The following KCND2 variants were observed in gnomAD, a reference collection of about 807,000 sequenced individuals.
KCND2 encodes the protein potassium voltage-gated channel subfamily D member 2.
In KCND2, 16 loss-of-function variants were observed where a neutral mutation model predicts 54.4. The observed-to-expected ratio is 0.29, with a 90% CI of 0.20 to 0.45. The LOEUF (loss-of-function observed/expected upper bound fraction) is 0.45, where lower values mean the gene tolerates loss of function less well. Ranked by LOEUF, KCND2 falls within the 20% of genes least tolerant of loss-of-function variation. The pLI is 1.00. For synonymous variants in KCND2, 317 were observed against 310.7 expected, an observed-to-expected ratio of 1.02 and a Z score of -0.21; for missense variants, 486 against 824.2, an observed-to-expected ratio of 0.59 and a Z score of 5.02.
chr7:120,329,905 G>C (rs765960590), intron 1 of KCND2, among the ~76,000 whole-genome samples: 5 of 152,064 alleles, frequency 3.3e-5, no homozygotes, highest in South Asian at 2.1e-4. Context: ...GACTCATGTT[G>C]TTTAATTATT....
chr7:120,588,429 G>GTGTGTGTT (rs1792628147), intron 1 of KCND2, among the ~76,000 whole-genome samples: 1 of 151,810 alleles, frequency 6.6e-6, no homozygotes, highest in East Asian at 1.9e-4. Flanking sequence ...GTGTGTGTGT[G>GTGTGTGTT]TGTGTGTGTG....
At chr7:120,416,141 A>G (rs1339682376) in intron 1 of KCND2, among the ~76,000 whole-genome samples, 1 of 152,192 alleles carries the variant, frequency 6.6e-6, no homozygotes, top group Non-Finnish European at 1.5e-5. Flanking sequence ...ATCTTCTCTT[A>G]GAGCTCTTTT....
chr7:120,294,784 T>A (rs1318268180), intron 1 of KCND2, among the ~76,000 whole-genome samples: 2 of 151,904 alleles, frequency 1.3e-5, no homozygotes, highest in African/African-American at 4.8e-5. Context: ...ACCTTGTTTA[T>A]GTTTCATCTA....
intron 1 of KCND2, among the ~76,000 whole-genome samples, chr7:120,429,868 A>G (rs1801765516): frequency 6.6e-6 from 1 of 152,210 alleles, no homozygotes; most frequent in Non-Finnish European, 1.5e-5. Flanking sequence ...AAAAAAATAT[A>G]TTATTTTGAT....
chr7:120,627,018 G>C (rs1793172359), intron 1 of KCND2, among the ~76,000 whole-genome samples: 1 of 152,274 alleles, frequency 6.6e-6, no homozygotes, highest in Admixed American at 6.5e-5. Flanking sequence ...AGTTGGTTAA[G>C]ATCCAGTCCC....
At chr7:120,505,920 T>C (rs1202840789) in intron 1 of KCND2, among the ~76,000 whole-genome samples, 1 of 151,870 alleles carries the variant, frequency 6.6e-6, no homozygotes, top group African/African-American at 2.4e-5. Context: ...GACATTCAAA[T>C]ATATTTTATT....
chr7:120,489,968 G>A (rs1802754004), intron 1 of KCND2, among the ~76,000 whole-genome samples: 1 of 152,046 alleles, frequency 6.6e-6, no homozygotes, highest in African/African-American at 2.4e-5. Flanking sequence ...AGAAAATGGA[G>A]AATGGGGCAA....
intron 1 of KCND2, among the ~76,000 whole-genome samples, chr7:120,324,088 A>G (rs1690980506): frequency 6.6e-6 from 1 of 151,106 alleles, no homozygotes; most frequent in Admixed American, 6.6e-5. Flanking sequence ...TTGGGTGCAT[A>G]AATGTCTTCT....
At chr7:120,381,790 A>G (rs897183131) in intron 1 of KCND2, among the ~76,000 whole-genome samples, 1 of 152,084 alleles carries the variant, frequency 6.6e-6, no homozygotes, top group African/African-American at 2.4e-5. Flanking sequence ...TTGATTGAAT[A>G]TTTCTAGTAA....
At chr7:120,409,039 G>C (rs1156623421) in intron 1 of KCND2, among the ~76,000 whole-genome samples, 1 of 151,950 alleles carries the variant, frequency 6.6e-6, no homozygotes, top group Non-Finnish European at 1.5e-5. Context: ...TGCACATGCT[G>C]CTCTTTCTAT....
intron 1 of KCND2, among the ~76,000 whole-genome samples, chr7:120,535,872 T>C (rs1791900276): frequency 6.6e-6 from 1 of 152,096 alleles, no homozygotes. Context: ...TAGTCCATAA[T>C]GCTAGATTGT....
At chr7:120,464,344 T>C (rs1802335849) in intron 1 of KCND2, among the ~76,000 whole-genome samples, 1 of 152,164 alleles carries the variant, frequency 6.6e-6, no homozygotes, top group Non-Finnish European at 1.5e-5. Flanking sequence ...ATGTGAATAA[T>C]ACACAATATC....
At chr7:120,653,843 G>A (rs773106055) in intron 1 of KCND2, among the ~76,000 whole-genome samples, 3 of 152,166 alleles carry the variant, frequency 2.0e-5, no homozygotes, top group African/African-American at 7.2e-5. Flanking sequence ...ACAAAACACA[G>A]TGAGAAGAAA....
chr7:120,388,880 A>T (rs970736278), intron 1 of KCND2, among the ~76,000 whole-genome samples: 44 of 97,210 alleles, frequency 4.5e-4, no homozygotes, highest in Admixed American at 8.1e-4. Flanking sequence ...TATATCATTT[A>T]TATATACATG....
Position 120,275,343 on chromosome 7 carries a change from C to T in KCND2, c.711C>T (p.Val237=). ...TCTTCTGCTTGGACACGGCCTGCGT[C>T]ATGATCTTCACAGTTGAGTATTTGC... is the stretch of plus-strand genomic sequence containing the variant. The part of the protein sequence containing the change: ...VAFFCLDTAC[V]MIFTVEYLLR... Residue 237 remains valine, a synonymous_variant, in exon 1 of 6, where the codon GTC becomes GTT. Transcript: ENST00000331113. The T allele has an allele frequency of 1.9e-6, 3 of 1,613,836 alleles. No homozygotes were observed. Among genetic ancestry groups the T allele is most frequent in the Non-Finnish European group, 2.5e-6 (3 of 1,179,990 alleles).
chr7:120,553,823 T>G (rs1416112615), intron 1 of KCND2, among the ~76,000 whole-genome samples: 1 of 152,170 alleles, frequency 6.6e-6, no homozygotes, highest in African/African-American at 2.4e-5. Flanking sequence ...TCTAGCAGGT[T>G]TTTACACCCA....
chr7:120,435,250 G>T (rs912780283), intron 1 of KCND2, among the ~76,000 whole-genome samples: 1 of 150,768 alleles, frequency 6.6e-6, no homozygotes, highest in South Asian at 2.1e-4. Flanking sequence ...GGGATTGTAG[G>T]CGTGCACCAC....
chr7:120,598,621 T>C (rs886896089), intron 1 of KCND2, among the ~76,000 whole-genome samples: 10 of 152,154 alleles, frequency 6.6e-5, no homozygotes, highest in African/African-American at 2.4e-4. Flanking sequence ...TTTTACACTT[T>C]AGACAAGTAG....
At chr7:120,351,264 A>ATATATATATATATATATATATC (rs1478998313) in intron 1 of KCND2, among the ~76,000 whole-genome samples, 9 of 146,756 alleles carry the variant, frequency 6.1e-5, no homozygotes, top group African/African-American at 2.2e-4. Flanking sequence ...ATATATATAT[A>ATATATATATATATATATATATC]TATCCAGTAT....
Sources: gnomAD v4.1 joint callset for allele counts (sites outside exome capture counted in the v4.1 genomes callset) on GRCh38, gnomAD v4.1.1 for gene constraint, MANE v1.5 for transcripts, NCBI Gene and HGNC (gene_info 2026-07-23, HGNC 2026-07-21) for gene names.